TRAPPC9: variants seen among roughly 807,000 people sequenced by gnomAD.
TRAPPC9 encodes trafficking protein particle complex subunit 9, also known as IKK2 binding protein.
Under a neutral mutation model 124.0 loss-of-function variants are expected in TRAPPC9, and 83 were observed. The ratio of observed to expected loss-of-function variants is 0.67; its 90% confidence interval spans 0.56 to 0.80. The LOEUF is 0.80. TRAPPC9 is among the 30% of genes least tolerant of loss of function. TRAPPC9 has a pLI of 0.00. For missense variants in TRAPPC9, 1,302 were observed against 1,508.3 expected, an observed-to-expected ratio of 0.86 and a Z score of 2.27; for synonymous variants, 638 against 617.5, an observed-to-expected ratio of 1.03 and a Z score of -0.49.
chr8:140,404,889 T>TGA (rs146281629), intron 6 of TRAPPC9, among the ~76,000 whole-genome samples: 1,956 of 82,242 alleles, frequency 0.024, 17 homozygotes, highest in Non-Finnish European at 0.039. Context: ...AGTGCATGTG[T>TGA]GCACGTGTGT....
In TRAPPC9 at chr8:139,730,807, C is replaced by T. The variant is rs1446157191; in HGVS notation, c.*254G>A. On this transcript the variant is annotated 3_prime_UTR_variant, in exon 23 of 23. Coordinates refer to ENST00000438773, the MANE Select transcript of TRAPPC9 (RefSeq NM_001160372.4). Reference sequence around the variant, plus strand: ...GGATGGGCACCCGCTTTGGGATTTCCTCTGCTTCAGCCTGTGTATGGTCCA... The same window carrying T: ...GGATGGGCACCCGCTTTGGGATTTCTTCTGCTTCAGCCTGTGTATGGTCCA... The T allele has an allele frequency of 3.7e-6, 2 of 535,398 alleles. No homozygotes were observed. The highest frequency in any genetic ancestry group is 3.8e-5 in the African/African-American group (2 of 52,708). The allele number at this position is 535,398 out of a possible 1,614,324, so 33.2% of individuals were successfully genotyped here.
intron 17 of TRAPPC9, among the ~76,000 whole-genome samples, chr8:140,036,373 G>A (rs1045080559): frequency 9.2e-5 from 14 of 152,212 alleles, no homozygotes; most frequent in Non-Finnish European, 1.6e-4. Context: ...GAACATTGAC[G>A]GTCAGGCTCC....
intron 21 of TRAPPC9, among the ~76,000 whole-genome samples, chr8:139,856,181 C>A (rs184580831): frequency 1.5e-3 from 221 of 152,252 alleles, no homozygotes; most frequent in African/African-American, 5.0e-3. Context: ...AGCCAGGGCC[C>A]CTCAGATGTG....
At chr8:139,883,427 G>A (rs1829800838) in intron 21 of TRAPPC9, among the ~76,000 whole-genome samples, 1 of 152,262 alleles carries the variant, frequency 6.6e-6, no homozygotes, top group Non-Finnish European at 1.5e-5. Context: ...GAAGCAGCAT[G>A]TAACACAGCA....
chr8:139,969,747 A>C (rs1835941077), intron 19 of TRAPPC9, among the ~76,000 whole-genome samples: 1 of 152,248 alleles, frequency 6.6e-6, no homozygotes, highest in Non-Finnish European at 1.5e-5. Flanking sequence ...TGGGAAGCCA[A>C]AAATGCTCTC....
chr8:140,143,494 T>C (rs1457855467), intron 17 of TRAPPC9, among the ~76,000 whole-genome samples: 1 of 152,260 alleles, frequency 6.6e-6, no homozygotes, highest in Non-Finnish European at 1.5e-5. Flanking sequence ...CACATGTAAC[T>C]TGCATGTAAA....
rs1837439050 is a variant in TRAPPC9 at position 139,988,845 on chromosome 8, A to C, written c.2700-9T>G. ...GGTGACACTGCCGGGTACTGCGTTA[A>C]AGAAAAAAGAAAGTTCAGAATCCTC... is the stretch of plus-strand genomic sequence containing the variant. On this transcript the variant is annotated splice_polypyrimidine_tract_variant and intron_variant, in intron 18 of 22. Coordinates refer to ENST00000438773, the MANE Select transcript of TRAPPC9 (RefSeq NM_001160372.4). 1 of 1,529,716 alleles carries C rather than the reference A, an allele frequency of 6.5e-7. No individual in the cohort carries two copies. The highest frequency in any genetic ancestry group is 8.9e-7 in the Non-Finnish European group (1 of 1,127,750). The allele number at this position is 1,529,716 out of a possible 1,614,324, so 94.8% of individuals were successfully genotyped here.
chr8:140,267,764 T>C (rs1032744133), intron 15 of TRAPPC9, among the ~76,000 whole-genome samples: 5 of 152,180 alleles, frequency 3.3e-5, no homozygotes, highest in African/African-American at 1.2e-4. Flanking sequence ...CCTCCTGGGT[T>C]CAAGCGATTC....
intron 17 of TRAPPC9, among the ~76,000 whole-genome samples, chr8:140,195,107 G>C (rs1335218580): frequency 1.3e-5 from 2 of 151,930 alleles, no homozygotes; most frequent in Non-Finnish European, 2.9e-5. Context: ...GATCATACCT[G>C]TGAAACTAAA....
intron 21 of TRAPPC9, among the ~76,000 whole-genome samples, chr8:139,860,423 G>C (rs1373535963): frequency 4.6e-5 from 7 of 152,176 alleles, no homozygotes; most frequent in Admixed American, 1.3e-4. Flanking sequence ...TGTGCTACAT[G>C]CATGATCATT....
At chr8:139,862,130 G>A (rs182242143) in intron 21 of TRAPPC9, among the ~76,000 whole-genome samples, 135 of 152,340 alleles carry the variant, frequency 8.9e-4, no homozygotes, top group African/African-American at 3.1e-3. Context: ...TTCAGAAACA[G>A]GTTCTGTAAG....
intron 21 of TRAPPC9, among the ~76,000 whole-genome samples, chr8:139,859,146 C>G (rs73726685): frequency 0.043 from 6,522 of 151,808 alleles, 314 homozygotes; most frequent in African/African-American, 0.12. Context: ...CGGTTTCTGG[C>G]CCGAGTCAGA....
chr8:140,069,424 G>C (rs138367507), intron 17 of TRAPPC9, among the ~76,000 whole-genome samples: 38 of 152,278 alleles, frequency 2.5e-4, no homozygotes, highest in Non-Finnish European at 4.7e-4. Flanking sequence ...AAGGCACCAA[G>C]ACGTAAGTGC....
intron 2 of TRAPPC9, among the ~76,000 whole-genome samples, chr8:140,445,541 GC>G (rs2071216817): frequency 6.6e-6 from 1 of 152,178 alleles, no homozygotes; most frequent in South Asian, 2.1e-4. Flanking sequence ...GGAGGAGGGA[GC>G]CCGGGCCAGG....
chr8:140,318,332 G>A (rs1731519000), intron 9 of TRAPPC9, among the ~76,000 whole-genome samples: 1 of 152,160 alleles, frequency 6.6e-6, no homozygotes, highest in African/African-American at 2.4e-5. Context: ...ACGAAATCAA[G>A]CTAACATGTC....
rs560122095 is a variant in TRAPPC9 at position 140,386,091 on chromosome 8, G to A, written c.1134+11529C>T. ...CTACCTGATTATCTCAATAGATGCC[G>A]AAAAGGCCTTTGACAAAATTCAACA... On this transcript the variant is annotated intron_variant, in intron 7 of 22. Transcript: ENST00000438773. Among the ~76,000 whole-genome samples, 37 of 152,244 alleles carry A rather than the reference G, an allele frequency of 2.4e-4. No homozygotes were observed. In the South Asian group the frequency reaches 5.6e-3, roughly 23 times the overall value.
chr8:140,005,384 C>A (rs950563779), intron 18 of TRAPPC9, among the ~76,000 whole-genome samples: 1 of 152,178 alleles, frequency 6.6e-6, no homozygotes, highest in Non-Finnish European at 1.5e-5. Flanking sequence ...AGCACCAGCA[C>A]ATGAAGCACA....
At chr8:140,210,540 C>G (rs554330261) in intron 17 of TRAPPC9, among the ~76,000 whole-genome samples, 1 of 152,150 alleles carries the variant, frequency 6.6e-6, no homozygotes, top group African/African-American at 2.4e-5. Flanking sequence ...CATGTCCCCC[C>G]ACGCCCCCGC....
intron 17 of TRAPPC9, among the ~76,000 whole-genome samples, chr8:140,215,573 G>A (rs2063171773): frequency 6.6e-6 from 1 of 151,714 alleles, no homozygotes; most frequent in Non-Finnish European, 1.5e-5. Context: ...TTGAACCCGG[G>A]AGGCAGAGGT....
Sources: allele counts gnomAD v4.1 joint callset (sites outside exome capture counted in the v4.1 genomes callset), GRCh38; gene constraint gnomAD v4.1.1; transcripts MANE v1.5; gene names NCBI Gene and HGNC (gene_info 2026-07-23, HGNC 2026-07-21).